Variants in PLXNA2 observed in about 807,000 individuals in gnomAD.
PLXNA2 encodes the protein plexin-A2.
Under a neutral mutation model 193.5 loss-of-function variants are expected in PLXNA2, and 91 were observed. The ratio of observed to expected loss-of-function variants is 0.47; its 90% confidence interval spans 0.40 to 0.56. The LOEUF is 0.56. Among genes scored for constraint, PLXNA2 ranks in the 20% least tolerant of loss-of-function variants. PLXNA2 has a pLI of 0.00. For missense variants in PLXNA2, 1,995 were observed against 2,503.2 expected, an observed-to-expected ratio of 0.80 and a Z score of 4.33; for synonymous variants, 997 against 1,027.3, an observed-to-expected ratio of 0.97 and a Z score of 0.56.
intron 3 of PLXNA2, among the ~76,000 whole-genome samples, chr1:208,157,435 T>C (rs1040256881): frequency 6.6e-5 from 10 of 152,266 alleles, no homozygotes; most frequent in African/African-American, 2.4e-4. Flanking sequence ...CCTATGAATC[T>C]GTACCTGTTG....
chr1:208,219,330 C>A (rs1284833836), intron 1 of PLXNA2, among the ~76,000 whole-genome samples: 1 of 152,222 alleles, frequency 6.6e-6, no homozygotes, highest in East Asian at 1.9e-4. Flanking sequence ...GGTCAGAGAG[C>A]AGGGCCTGTT....
At position 208,082,682 on chromosome 1, in the gene PLXNA2, G is replaced by A. The variant is rs942666936; in HGVS notation, c.2299-174C>T. 6.6e-6 allele frequency among the ~76,000 whole-genome samples: 1 copy of A among 152,126 alleles called. No individual in the cohort carries two copies. The highest frequency in any genetic ancestry group is 1.5e-5 in the Non-Finnish European group (1 of 68,020). ...CTCCTAGCTTGGCATTCAGTGCCCT[G>A]CATAATCGGATGCAAACTGACTCCT... On this transcript the variant is annotated intron_variant, in intron 10 of 31. Transcript: ENST00000367033. This position sits in a 1 kb window ranked among gnomAD's most constrained non-coding sequence, Gnocchi z 4.2.
chr1:208,137,073 G>T (rs774468132), intron 4 of PLXNA2, among the ~76,000 whole-genome samples: 1 of 152,104 alleles, frequency 6.6e-6, no homozygotes, highest in Admixed American at 6.6e-5. Context: ...TGACTCCCAC[G>T]GGCCAGCTCT....
chr1:208,169,750 A>T (rs997104740), intron 3 of PLXNA2, among the ~76,000 whole-genome samples: 54 of 152,206 alleles, frequency 3.5e-4, no homozygotes, highest in African/African-American at 1.2e-3. Flanking sequence ...AAGCCAGGGA[A>T]CCTGGATTCT....
At chr1:208,086,927 G>A (rs1666542968) in intron 9 of PLXNA2, among the ~76,000 whole-genome samples, 1 of 148,950 alleles carries the variant, frequency 6.7e-6, no homozygotes, top group Non-Finnish European at 1.5e-5. Context: ...AATAAGGCTG[G>A]GGTATAATGG....
intron 4 of PLXNA2, among the ~76,000 whole-genome samples, chr1:208,121,304 T>A (rs1366784423): frequency 6.6e-6 from 1 of 152,122 alleles, no homozygotes; most frequent in African/African-American, 2.4e-5. Context: ...CCAGGGAAGG[T>A]CAGATGTGAG....
At chr1:208,030,520 C>G in intron 29 of PLXNA2, 1 of 985,412 alleles carries the variant, frequency 1.0e-6, no homozygotes, top group Non-Finnish European at 1.2e-6. Context: ...CCAGGGCCAC[C>G]CCAGCCTGTT....
chr1:208,178,085 G>A (rs1669714191), intron 3 of PLXNA2, among the ~76,000 whole-genome samples: 1 of 152,066 alleles, frequency 6.6e-6, no homozygotes, highest in Non-Finnish European at 1.5e-5. Flanking sequence ...CCATTCTATA[G>A]GAGCATAATA....
At chr1:208,176,907 A>G (rs1211099370) in intron 3 of PLXNA2, among the ~76,000 whole-genome samples, 1 of 152,118 alleles carries the variant, frequency 6.6e-6, no homozygotes, top group Non-Finnish European at 1.5e-5. Context: ...AACCACTCAT[A>G]GTCCCCTGAA....
At chr1:208,185,011 A>G (rs1228925353) in intron 3 of PLXNA2, among the ~76,000 whole-genome samples, 1 of 152,182 alleles carries the variant, frequency 6.6e-6, no homozygotes, top group Non-Finnish European at 1.5e-5. Flanking sequence ...TTAGGCATGG[A>G]GCACTCAGCC....
Position 208,038,712 on chromosome 1 carries a change from G to C in PLXNA2, c.4660+113C>G. ...GCTCAAAGCGGGAAGCATTTCACAC[G>C]GGCCTCAGCTGGCCAGGACACAGTC... On this transcript the variant is annotated intron_variant, in intron 25 of 31. Coordinates refer to ENST00000367033, the MANE Select transcript of PLXNA2 (RefSeq NM_025179.4). This position sits in a 1 kb window ranked among gnomAD's most constrained non-coding sequence, Gnocchi z 4.1. 2 of 1,149,356 alleles carry C rather than the reference G, an allele frequency of 1.7e-6. No homozygotes were observed. Among genetic ancestry groups the C allele is most frequent in the Non-Finnish European group, 2.5e-6 (2 of 785,798 alleles). 71.2% of individuals were successfully genotyped at this position (1,149,356 alleles called of 1,614,324 possible). A position where few individuals can be genotyped will look rare whatever the true frequency, so the allele number is the denominator to read the frequency against.
intron 3 of PLXNA2, among the ~76,000 whole-genome samples, chr1:208,185,229 G>T (rs1192063743): frequency 6.6e-6 from 1 of 152,178 alleles, no homozygotes. Flanking sequence ...CTCAGTCCAG[G>T]AGGTGGGGCC....
Position 208,135,433 on chromosome 1 carries a change from A to G in PLXNA2, c.1506+6896T>C, listed in dbSNP as rs116533915. 6.5e-3 allele frequency among the ~76,000 whole-genome samples: 983 copies of G among 152,280 alleles called. 11 individuals are homozygous for G. Among genetic ancestry groups the G allele is most frequent in the South Asian group, 0.05 (243 of 4,824 alleles). ...CCACAGGAAGACTGCCTGGAGAGCTATTTATAAGCAGCATACCCTCCATGG... is the reference window on the plus strand; with the variant it reads ...CCACAGGAAGACTGCCTGGAGAGCTGTTTATAAGCAGCATACCCTCCATGG... On this transcript the variant is annotated intron_variant, in intron 4 of 31. Coordinates refer to ENST00000367033, the MANE Select transcript of PLXNA2 (RefSeq NM_025179.4).
Position 208,038,872 on chromosome 1 carries a change from T to A in PLXNA2, c.4613A>T (p.Lys1538Met), listed in dbSNP as rs758405600. The A allele has an allele frequency of 6.2e-7, 1 of 1,614,134 alleles. No individual in the cohort carries two copies. The highest frequency in any genetic ancestry group is 8.5e-7 in the Non-Finnish European group (1 of 1,180,006). Residue 1538 changes from lysine (K) to methionine (M), a missense_variant, in exon 25 of 32, where the codon AAG (lysine) becomes ATG (methionine). This residue lies in a region of PLXNA2 where 1,291 missense variants were observed against 1,673.6 expected (regional missense o/e 0.77). Transcript: ENST00000367033. The surrounding 1 kb of genome is among the most constrained non-coding windows in gnomAD (Gnocchi z 4.1). The part of the protein sequence containing the change: ...VKEKILDAVY[K>M]NVPYSQRPRA... The stretch of plus-strand genomic sequence containing the variant: ...CGGCCGCTGGGAATAGGGCACATTC[T>A]TATACACGGCATCAAGAATCTTCTC...
intron 4 of PLXNA2, among the ~76,000 whole-genome samples, chr1:208,115,596 C>T (rs1290175185): frequency 4.6e-5 from 7 of 152,094 alleles, no homozygotes; most frequent in Non-Finnish European, 5.9e-5. Flanking sequence ...AATGCTAAGC[C>T]CTGTACCTTG....
chr1:208,241,265 T>C (rs1672040598), intron 1 of PLXNA2, among the ~76,000 whole-genome samples: 1 of 152,172 alleles, frequency 6.6e-6, no homozygotes, highest in East Asian at 1.9e-4. Flanking sequence ...GTAAAACAGA[T>C]GGTGAAGGAA....
chr1:208,136,549 A>G (rs192524169), intron 4 of PLXNA2, among the ~76,000 whole-genome samples: 5 of 152,172 alleles, frequency 3.3e-5, no homozygotes, highest in Admixed American at 2.0e-4. Context: ...CCTTCTCTCC[A>G]CAGATGCCTG....
intron 9 of PLXNA2, among the ~76,000 whole-genome samples, chr1:208,086,887 A>T (rs529624082): frequency 6.6e-6 from 1 of 151,738 alleles, no homozygotes; most frequent in South Asian, 2.1e-4. Flanking sequence ...AAATATCTGC[A>T]TCAAATCTAA....
chr1:208,128,695 CTTTTTTTTT>C (rs34853346), intron 4 of PLXNA2, among the ~76,000 whole-genome samples: 2 of 81,682 alleles, frequency 2.4e-5, no homozygotes, highest in South Asian at 5.3e-4. Context: ...CTGTTTCTTT[CTTTTTTTTT>C]TTTTTTTTTT....
Sources: allele counts gnomAD v4.1 joint callset (sites outside exome capture counted in the v4.1 genomes callset), GRCh38; gene constraint gnomAD v4.1.1; regional missense constraint gnomAD v4.1.1; non-coding constraint Gnocchi (gnomAD v3.1); transcripts MANE v1.5; gene names NCBI Gene and HGNC (gene_info 2026-07-23, HGNC 2026-07-21).